The following MYO18B variants were observed in gnomAD, a reference collection of about 807,000 sequenced individuals.
The protein encoded by MYO18B is unconventional myosin-XVIIIb.
In MYO18B, 204 loss-of-function variants were observed where a neutral mutation model predicts 273.0. The ratio of observed to expected loss-of-function variants is 0.75; its 90% confidence interval spans 0.67 to 0.84. The LOEUF (loss-of-function observed/expected upper bound fraction) is 0.84. Among genes scored for constraint, MYO18B ranks in the 40% least tolerant of loss-of-function variants. MYO18B has a pLI of 0.00. For synonymous variants in MYO18B, 1,330 were observed against 1,305.7 expected (o/e 1.02, Z -0.40); for missense variants, 3,212 against 3,287.6 (o/e 0.98, Z 0.56).
chr22:25,763,244 A>T lies in MYO18B; in HGVS notation c.53A>T (p.Asp18Val). 2 of 1,609,864 alleles carry T rather than the reference A, an allele frequency of 1.2e-6. No homozygotes were observed. The highest frequency in any genetic ancestry group is 1.7e-6 in the Non-Finnish European group (2 of 1,177,470). Residue 18 changes from aspartate to valine, a missense_variant, in exon 3 of 44, where the codon GAC becomes GTC. By Grantham distance (152) the Asp-to-Val change is radical. Coordinates refer to ENST00000335473, the MANE Select transcript of MYO18B (RefSeq NM_032608.7). ...ALWEQKIREE[D>V]KSPPPSSPPP... ...TCTGCAAAACAGATTCGGGAAGAGG[A>T]CAAGAGCCCTCCACCATCCTCGCCC... is the stretch of plus-strand genomic sequence containing the variant.
intron 39 of MYO18B, among the ~76,000 whole-genome samples, chr22:25,956,578 T>G (rs558255863): frequency 2.5e-3 from 386 of 152,264 alleles, no homozygotes; most frequent in Middle Eastern, 0.01. Context: ...ATTCAGTGTG[T>G]TGTTCTAAGA....
chr22:25,869,449 C>CAAAAAAAAAAAAAAAAAAAAAAAAAAAAA, intron 22 of MYO18B, among the ~76,000 whole-genome samples: 1 of 58,120 alleles, frequency 1.7e-5, no homozygotes, highest in Non-Finnish European at 3.0e-5. Flanking sequence ...TACTGTGTCT[C>CAAAAAAAAAAAAAAAAAAAAAAAAAAAAA]AAAAAAAAAA....
At chr22:25,874,224 C>CCG (rs67075414) in intron 22 of MYO18B, 62 bp from the exon 23 acceptor site, 1 of 1,541,636 alleles carries the variant, frequency 6.5e-7, no homozygotes, top group Non-Finnish European at 8.7e-7. Flanking sequence ...TTTGCAAGCA[C>CCG]CCCCCCATTG....
intron 42 of MYO18B, among the ~76,000 whole-genome samples, chr22:26,025,668 G>T (rs1936187544): frequency 6.6e-6 from 1 of 151,372 alleles, no homozygotes; most frequent in African/African-American, 2.4e-5. Context: ...AGGACAAATA[G>T]ATTTTATTTA....
At chr22:25,834,220 C>G (rs145214645) in intron 16 of MYO18B, among the ~76,000 whole-genome samples, 1 of 151,428 alleles carries the variant, frequency 6.6e-6, no homozygotes, top group Non-Finnish European at 1.5e-5. Flanking sequence ...GATCTTGGCT[C>G]ATTGCAACTT....
At chr22:25,819,084 C>G (rs1191987168) in intron 12 of MYO18B, among the ~76,000 whole-genome samples, 1 of 152,048 alleles carries the variant, frequency 6.6e-6, no homozygotes, top group Non-Finnish European at 1.5e-5. Flanking sequence ...CTACCCATGT[C>G]CAAGCAAAGA....
chr22:25,781,627 AGTG>A (rs2087161093), intron 9 of MYO18B, 104 bp from the exon 10 acceptor site: 6 of 508,600 alleles, frequency 1.2e-5, no homozygotes, highest in Non-Finnish European at 1.9e-5. Flanking sequence ...AAAAAAAAAG[AGTG>A]GATCAGAGTG....
chr22:25,768,183 G>T lies in MYO18B; in HGVS notation c.267G>T (p.Gln89His). The T allele has an allele frequency of 6.2e-7, 1 of 1,613,716 alleles. No individual in the cohort carries two copies. Among genetic ancestry groups the T allele is most frequent in the Non-Finnish European group, 8.5e-7 (1 of 1,179,788 alleles). Residue 89 changes from glutamine (Q) to histidine (H), a missense_variant, in exon 4 of 44, where the codon CAG becomes CAT. By Grantham distance (24) the Gln-to-His change is conservative. Transcript: ENST00000335473. Reference protein sequence around the residue: ...SSSGTRSGSQQISQDDQSSSP... With the variant: ...SSSGTRSGSQHISQDDQSSSP... ...GTGGCACCAGATCTGGAAGCCAGCA[G>T]ATCTCTCAGGACGACCAGTCAAGCT...
chr22:25,893,790 C>T (rs1173657199), intron 27 of MYO18B, among the ~76,000 whole-genome samples: 2 of 151,306 alleles, frequency 1.3e-5, no homozygotes, highest in Admixed American at 1.3e-4. Flanking sequence ...CACCCATCCA[C>T]CCATCCACCC....
the MYO18B span, among the ~76,000 whole-genome samples, chr22:26,057,223 G>C: frequency 6.6e-6 from 1 of 151,968 alleles, no homozygotes; most frequent in African/African-American, 2.4e-5. Context: ...TAAAAAAAAA[G>C]GATATGTTTC....
intron 12 of MYO18B, 24 bp from the exon 13 acceptor site, chr22:25,823,481 G>A (rs758754805): frequency 3.0e-5 from 49 of 1,608,992 alleles, no homozygotes; most frequent in South Asian, 1.5e-4. Context: ...TCACTGCCAC[G>A]CCTCTGTTTT....
Position 25,876,346 on chromosome 22 carries a change from G to T in MYO18B, c.4224+14G>T. 6.3e-7 allele frequency: 1 copy of T among 1,599,942 alleles called. No individual in the cohort carries two copies. The highest frequency in any genetic ancestry group is 1.1e-5 in the South Asian group (1 of 89,264). ...CGAGCCAAGGAGGTCAGTCTATGTG[G>T]CAGGCAGGGTGCTGGGTGGCTACTC... is the stretch of plus-strand genomic sequence containing the variant. On this transcript the variant is annotated intron_variant, in intron 24 of 43. Transcript: ENST00000335473.
chr22:25,834,285 T>TAC (rs1194504524), intron 16 of MYO18B, among the ~76,000 whole-genome samples: 2 of 152,066 alleles, frequency 1.3e-5, no homozygotes, highest in African/African-American at 2.4e-5. Flanking sequence ...TAGCTGGGAT[T>TAC]ACAGGCATGC....
At chr22:25,801,995 C>T (rs1462505100) in intron 12 of MYO18B, among the ~76,000 whole-genome samples, 1 of 152,212 alleles carries the variant, frequency 6.6e-6, no homozygotes, top group Non-Finnish European at 1.5e-5. Context: ...TACAATTCAC[C>T]TCAATTCTGA....
the MYO18B span, among the ~76,000 whole-genome samples, chr22:26,063,788 C>A: frequency 6.6e-6 from 1 of 152,192 alleles, no homozygotes; most frequent in Admixed American, 6.5e-5. Context: ...CCAGCTCAAA[C>A]CATAAAGGGT....
At chr22:25,898,231 C>A in intron 28 of MYO18B, 76 bp from the exon 29 acceptor site, 1 of 1,504,546 alleles carries the variant, frequency 6.6e-7, no homozygotes, top group Non-Finnish European at 9.0e-7. Context: ...TTGGAAATAG[C>A]AACTCCTTGA....
intron 42 of MYO18B, among the ~76,000 whole-genome samples, chr22:26,025,760 T>G (rs767509285): frequency 2.0e-5 from 3 of 152,212 alleles, no homozygotes; most frequent in Non-Finnish European, 4.4e-5. Flanking sequence ...GGTCCCACTG[T>G]GAGCCTCCTA....
intron 1 of MYO18B, among the ~76,000 whole-genome samples, chr22:25,742,855 C>T (rs200298206): frequency 2.0e-5 from 3 of 152,220 alleles, no homozygotes; most frequent in South Asian, 4.1e-4. Context: ...TTTCATGCCA[C>T]CTTCCTTGAG....
intron 42 of MYO18B, among the ~76,000 whole-genome samples, chr22:26,013,830 T>C (rs1454282651): frequency 1.3e-5 from 2 of 152,232 alleles, no homozygotes; most frequent in Non-Finnish European, 2.9e-5. Flanking sequence ...AGAAAGTCTT[T>C]TGTCCATTAT....
Sources: gnomAD v4.1 joint callset for allele counts (sites outside exome capture counted in the v4.1 genomes callset) on GRCh38, gnomAD v4.1.1 for gene constraint, MANE v1.5 for transcripts, NCBI Gene and HGNC (gene_info 2026-07-23, HGNC 2026-07-21) for gene names.